The following GPATCH2 variants were observed in gnomAD, a reference collection of about 807,000 sequenced individuals.
GPATCH2 encodes the protein G-patch domain containing 2.
In GPATCH2, 51 loss-of-function variants were observed where a neutral mutation model predicts 58.0. The observed-to-expected ratio is 0.88, with a 90% CI of 0.70 to 1.11. GPATCH2 has a LOEUF of 1.11. GPATCH2 is among the 50% of genes most tolerant of loss of function. The pLI, the probability that GPATCH2 is intolerant of heterozygous loss-of-function variation, is 0.00. For missense variants in GPATCH2, 625 were observed against 652.2 expected, an observed-to-expected ratio of 0.96 and a Z score of 0.45; for synonymous variants, 222 against 218.5, an observed-to-expected ratio of 1.02 and a Z score of -0.14.
intron 5 of GPATCH2, among the ~76,000 whole-genome samples, chr1:217,556,623 G>T (rs1466916681): frequency 6.6e-6 from 1 of 152,110 alleles, no homozygotes; most frequent in African/African-American, 2.4e-5. Flanking sequence ...AGACATTTAT[G>T]ATTTTTTCAT....
chr1:217,498,142 A>T, intron 7 of GPATCH2: 2 of 636,378 alleles, frequency 3.1e-6, no homozygotes, highest in South Asian at 3.6e-5. Context: ...GTATGACTGA[A>T]GACAGTGGCA....
intron 8 of GPATCH2, among the ~76,000 whole-genome samples, chr1:217,449,913 A>C (rs538781794): frequency 6.6e-6 from 1 of 152,324 alleles, no homozygotes; most frequent in Non-Finnish European, 1.5e-5. Flanking sequence ...GTCTACTGCT[A>C]TTTAACATTC....
At chr1:217,479,419 T>C (rs1230835967) in intron 8 of GPATCH2, among the ~76,000 whole-genome samples, 3 of 152,196 alleles carry the variant, frequency 2.0e-5, no homozygotes, top group Non-Finnish European at 2.9e-5. Context: ...TTCTTTTTGC[T>C]TTATGCAAAC....
intron 5 of GPATCH2, among the ~76,000 whole-genome samples, chr1:217,566,874 C>G (rs912168095): frequency 1.3e-5 from 2 of 152,094 alleles, no homozygotes; most frequent in African/African-American, 4.8e-5. Flanking sequence ...ACAAACTTCA[C>G]AATTTTAAAA....
intron 5 of GPATCH2, among the ~76,000 whole-genome samples, chr1:217,560,041 G>A (rs1371118158): frequency 6.6e-6 from 1 of 152,130 alleles, no homozygotes; most frequent in African/African-American, 2.4e-5. Context: ...TGGAGATGGG[G>A]TTTCACCATG....
intron 7 of GPATCH2, among the ~76,000 whole-genome samples, chr1:217,494,843 G>A (rs933137109): frequency 1.3e-5 from 2 of 151,794 alleles, no homozygotes; most frequent in Non-Finnish European, 2.9e-5. Flanking sequence ...AGCAAGAGCA[G>A]CTCAAAAGAC....
At chr1:217,512,406 ATG>A (rs938633636) in intron 6 of GPATCH2, among the ~76,000 whole-genome samples, 7 of 152,222 alleles carry the variant, frequency 4.6e-5, no homozygotes, top group Admixed American at 1.3e-4. Context: ...TGGGGAAACC[ATG>A]TTTGGAACCC....
At chr1:217,498,426 G>A (rs770355930) in intron 6 of GPATCH2, 31 bp from the exon 7 acceptor site, 1 of 1,581,414 alleles carries the variant, frequency 6.3e-7, no homozygotes, top group South Asian at 1.1e-5. Flanking sequence ...CAGTTAGAGG[G>A]AACCTAACTA....
chr1:217,472,167 T>C (rs149126324), intron 8 of GPATCH2, among the ~76,000 whole-genome samples: 24 of 152,246 alleles, frequency 1.6e-4, no homozygotes, highest in African/African-American at 5.8e-4. Context: ...AATGATCAAG[T>C]TTGTTGCATG....
intron 5 of GPATCH2, among the ~76,000 whole-genome samples, chr1:217,599,992 T>C (rs1384140555): frequency 1.3e-5 from 2 of 152,134 alleles, no homozygotes; most frequent in East Asian, 1.9e-4. Flanking sequence ...ACCAAGTAGA[T>C]ACCATTAAAT....
chr1:217,594,439 A>G (rs1287129983), intron 5 of GPATCH2, among the ~76,000 whole-genome samples: 1 of 152,140 alleles, frequency 6.6e-6, no homozygotes, highest in Non-Finnish European at 1.5e-5. Context: ...ATGAAATGCT[A>G]ATTTTGGTTA....
rs1669739846 is a variant in GPATCH2, at chr1:217,631,062, C to G, written c.-91G>C. 7.9e-7 allele frequency: 1 copy of G among 1,261,658 alleles called. No homozygotes were observed. Among genetic ancestry groups the G allele is most frequent in the Non-Finnish European group, 1.1e-6 (1 of 909,534 alleles). 78.2% of individuals were successfully genotyped at this position (1,261,658 alleles called of 1,614,324 possible). A position where few individuals can be genotyped will look rare whatever the true frequency, so the allele number is the denominator to read the frequency against. On this transcript the variant is annotated 5_prime_UTR_variant, in exon 1 of 10. An upstream start codon of the reference 5' UTR is lost. Coordinates refer to ENST00000366935, the MANE Select transcript of GPATCH2 (RefSeq NM_018040.5). ...CGGCGACTTCCAAAGAGCAGTTCAG[C>G]ATTTTGAGATGAGCTTCCGGAAGCC...
intron 8 of GPATCH2, among the ~76,000 whole-genome samples, chr1:217,450,730 A>G (rs929181373): frequency 2.6e-5 from 4 of 152,114 alleles, no homozygotes; most frequent in Non-Finnish European, 4.4e-5. Context: ...TTGGCTCTCC[A>G]AAAGTTCATT....
At chr1:217,452,956 A>T (rs1659740537) in intron 8 of GPATCH2, among the ~76,000 whole-genome samples, 1 of 152,184 alleles carries the variant, frequency 6.6e-6, no homozygotes, top group African/African-American at 2.4e-5. Flanking sequence ...AGATCACCCC[A>T]TTTAGGCTTG....
intron 8 of GPATCH2, among the ~76,000 whole-genome samples, chr1:217,474,384 T>A (rs1660879789): frequency 6.6e-6 from 1 of 152,198 alleles, no homozygotes. Context: ...GGGAGACAAT[T>A]CTTCTGCACT....
At chr1:217,614,896 T>A (rs1250168322) in intron 2 of GPATCH2, among the ~76,000 whole-genome samples, 2 of 151,820 alleles carry the variant, frequency 1.3e-5, no homozygotes, top group African/African-American at 4.8e-5. Context: ...TTGAATAACA[T>A]AAACAAACTG....
intron 6 of GPATCH2, among the ~76,000 whole-genome samples, chr1:217,511,817 C>CTGTGTGTGTGTGTGTG (rs35836441): frequency 3.6e-4 from 54 of 149,040 alleles, no homozygotes; most frequent in Middle Eastern, 3.5e-3. Flanking sequence ...AACTGGAAGT[C>CTGTGTGTGTGTGTGTG]TGTGTGTGTG....
chr1:217,567,227 C>T (rs1289173910), intron 5 of GPATCH2, among the ~76,000 whole-genome samples: 1 of 151,940 alleles, frequency 6.6e-6, no homozygotes, highest in Non-Finnish European at 1.5e-5. Context: ...TGTATTTTTA[C>T]TAGAGACGGG....
At chr1:217,543,978 T>C (rs1343411446) in intron 5 of GPATCH2, among the ~76,000 whole-genome samples, 1 of 152,210 alleles carries the variant, frequency 6.6e-6, no homozygotes, top group African/African-American at 2.4e-5. Flanking sequence ...GAAGTTAATA[T>C]CAAGATGTTA....
Sources: allele counts gnomAD v4.1 joint callset (sites outside exome capture counted in the v4.1 genomes callset), GRCh38; gene constraint gnomAD v4.1.1; transcripts MANE v1.5; gene names NCBI Gene and HGNC (gene_info 2026-07-23, HGNC 2026-07-21).